The following DNAJC13 variants were observed in gnomAD, a reference collection of about 807,000 sequenced individuals.
DNAJC13 encodes dnaJ homolog subfamily C member 13.
A neutral mutation model predicts 290.5 loss-of-function variants in DNAJC13; 75 were observed. The observed-to-expected ratio is 0.26, with a 90% CI of 0.21 to 0.31. The LOEUF (loss-of-function observed/expected upper bound fraction) is 0.31, where lower values mean the gene tolerates loss of function less well. Among genes scored for constraint, DNAJC13 ranks in the 10% least tolerant of loss-of-function variants. DNAJC13 has a pLI of 1.00. For synonymous variants in DNAJC13, 862 were observed against 892.0 expected (o/e 0.97, Z 0.60); for missense variants, 2,260 against 2,674.5 (o/e 0.85, Z 3.42).
At chr3:132,500,711 T>C (rs564047206) in intron 38 of DNAJC13, 83 bp from the exon 39 acceptor site, 3 of 1,569,204 alleles carry the variant, frequency 1.9e-6, no homozygotes, top group South Asian at 2.3e-5. Context: ...TTCACAAATT[T>C]CTGCTGGTTT....
At chr3:132,525,144 C>A (rs183655094) in intron 51 of DNAJC13, among the ~76,000 whole-genome samples, 1 of 152,066 alleles carries the variant, frequency 6.6e-6, no homozygotes, top group African/African-American at 2.4e-5. Flanking sequence ...AGTTCGAGAC[C>A]AGCCTCAACA....
intron 27 of DNAJC13, among the ~76,000 whole-genome samples, chr3:132,482,944 T>C (rs887455641): frequency 3.9e-5 from 6 of 152,188 alleles, no homozygotes; most frequent in Admixed American, 3.9e-4. Flanking sequence ...AGTTTTAATA[T>C]GCAGTCTAAA....
chr3:132,455,269 A>G (rs1286348774), intron 9 of DNAJC13, among the ~76,000 whole-genome samples: 1 of 152,234 alleles, frequency 6.6e-6, no homozygotes, highest in East Asian at 1.9e-4. Context: ...AAGATCATGA[A>G]TCTTTAGGAA....
chr3:132,505,849 C>G (rs1935566622), intron 42 of DNAJC13, among the ~76,000 whole-genome samples: 1 of 151,860 alleles, frequency 6.6e-6, no homozygotes, highest in Admixed American at 6.6e-5. Flanking sequence ...AATCCATACA[C>G]TAGATGGTTG....
chr3:132,528,389 A>G, intron 54 of DNAJC13, 57 bp downstream of exon 54: 2 of 1,600,234 alleles, frequency 1.2e-6, no homozygotes, highest in Non-Finnish European at 1.7e-6. Context: ...TTGGCCATGG[A>G]TGGTCCACGT....
chr3:132,497,891 C>T, intron 36 of DNAJC13, among the ~76,000 whole-genome samples: 1 of 151,448 alleles, frequency 6.6e-6, no homozygotes. Flanking sequence ...AGGACCTGTT[C>T]CAGGGGGCCT....
intron 55 of DNAJC13, chr3:132,537,072 C>T: frequency 2.2e-6 from 1 of 454,504 alleles, no homozygotes; most frequent in South Asian, 1.6e-5. Context: ...CTCCACCAAT[C>T]CCTGTTTCTA....
chr3:132,515,634 C>G (rs953953), intron 46 of DNAJC13, among the ~76,000 whole-genome samples: 34,091 of 151,898 alleles, frequency 0.22, 3,984 homozygotes, highest in South Asian at 0.32. Context: ...TGTTATGGAA[C>G]TCATAATTTT....
intron 13 of DNAJC13, 151 bp downstream of exon 13, chr3:132,457,519 C>G (rs1559877106): frequency 3.2e-6 from 2 of 616,056 alleles, no homozygotes; most frequent in Non-Finnish European, 2.8e-6. Context: ...TTTAGCATAT[C>G]CTAAATACCA....
At chr3:132,425,754 A>C (rs1035651618) in intron 1 of DNAJC13, among the ~76,000 whole-genome samples, 1 of 151,430 alleles carries the variant, frequency 6.6e-6, no homozygotes, top group African/African-American at 2.4e-5. Flanking sequence ...TCACTAGTGT[A>C]TTTTTTTCTA....
intron 2 of DNAJC13, among the ~76,000 whole-genome samples, chr3:132,437,599 C>G (rs1334458057): frequency 1.3e-5 from 2 of 152,060 alleles, no homozygotes; most frequent in African/African-American, 4.8e-5. Flanking sequence ...GTTTCGACAC[C>G]CTTGTCAAAA....
intron 27 of DNAJC13, among the ~76,000 whole-genome samples, chr3:132,482,673 C>T (rs1934717859): frequency 6.6e-6 from 1 of 151,768 alleles, no homozygotes; most frequent in African/African-American, 2.4e-5. Flanking sequence ...GCCTGGGCAA[C>T]ATAGCAAGAG....
chr3:132,479,428 A>G, intron 25 of DNAJC13, 139 bp downstream of exon 25: 1 of 607,820 alleles, frequency 1.6e-6, no homozygotes, highest in Non-Finnish European at 2.9e-6. Flanking sequence ...GTGTGCTCTA[A>G]TCTCCTGGAG....
chr3:132,474,815 C>T (rs1211655490), intron 21 of DNAJC13, 117 bp from the exon 22 acceptor site: 6 of 11,248 alleles, frequency 5.3e-4, no homozygotes, highest in Admixed American at 7.8e-4. Flanking sequence ...AAAATCTATT[C>T]CCCCCCCCCC....
At chr3:132,463,933 C>A in intron 17 of DNAJC13, 116 bp downstream of exon 17, 3 of 1,199,986 alleles carry the variant, frequency 2.5e-6, no homozygotes, top group Admixed American at 2.8e-5. Flanking sequence ...TCTTTTGATC[C>A]ACCTAGTTCT....
At chr3:132,500,616 A>T (rs1222307753) in intron 38 of DNAJC13, among the ~76,000 whole-genome samples, 178 bp from the exon 39 acceptor site, 1 of 152,238 alleles carries the variant, frequency 6.6e-6, no homozygotes, top group Non-Finnish European at 1.5e-5. Flanking sequence ...CCCAGCATTT[A>T]TAGGAAATCT....
chr3:132,423,912 C>T (rs1210248099), intron 1 of DNAJC13, among the ~76,000 whole-genome samples: 1 of 152,126 alleles, frequency 6.6e-6, no homozygotes, highest in Non-Finnish European at 1.5e-5. Flanking sequence ...CTAAAAATTT[C>T]TTTTGCCCAT....
intron 2 of DNAJC13, among the ~76,000 whole-genome samples, chr3:132,442,951 C>T (rs906437522): frequency 6.6e-6 from 1 of 152,104 alleles, no homozygotes; most frequent in Non-Finnish European, 1.5e-5. Flanking sequence ...CAAGAGCAGG[C>T]TAATAGGTCA....
At chr3:132,478,733 A>T (rs182182355) in intron 24 of DNAJC13, among the ~76,000 whole-genome samples, 5 of 152,312 alleles carry the variant, frequency 3.3e-5, no homozygotes, top group Admixed American at 3.3e-4. Context: ...CCTGGATGAC[A>T]GAGCAAGACC....
Sources: gnomAD v4.1 joint callset for allele counts (sites outside exome capture counted in the v4.1 genomes callset) on GRCh38, gnomAD v4.1.1 for gene constraint, MANE v1.5 for transcripts, NCBI Gene and HGNC (gene_info 2026-07-23, HGNC 2026-07-21) for gene names.